The following TFF2 variants were observed in gnomAD, a reference collection of about 807,000 sequenced individuals.
TFF2 encodes trefoil factor 2.
A neutral mutation model predicts 16.0 loss-of-function variants in TFF2; 19 were observed. The ratio of observed to expected loss-of-function variants is 1.19; its 90% CI spans 0.83 to 1.74. The LOEUF (loss-of-function observed/expected upper bound fraction) is 1.74, where lower values mean the gene tolerates loss of function less well. Ranked by LOEUF, TFF2 falls within the 40% of genes most tolerant of loss-of-function variation. TFF2 has a pLI of 0.00. For synonymous variants in TFF2, 61 were observed against 65.4 expected (o/e 0.93, Z 0.32); for missense variants, 168 against 166.8 (o/e 1.01, Z -0.04).
At chr21:42,350,670 C>T (rs2052109714) in intron 1 of TFF2, among the ~76,000 whole-genome samples, 1 of 152,206 alleles carries the variant, frequency 6.6e-6, no homozygotes, top group African/African-American at 2.4e-5. Flanking sequence ...ACGGGGCCCG[C>T]TGACACCTGC....
chr21:42,347,884 G>T lies in TFF2; in HGVS notation c.230-252C>A, dbSNP rs2052081894. Among the ~76,000 whole-genome samples the T allele has an allele frequency of 2.0e-5, 3 of 152,218 alleles. No homozygotes were observed. The South Asian group carries it at 6.2e-4, about 32-fold the overall frequency. On this transcript the variant is annotated intron_variant, in intron 2 of 3. Transcript: ENST00000291526. ...TGGCTGGCCTGTCCTCCGCGAAGGTGGGGCCCATGTGGGGTGGTCACAGTC... is the reference window on the plus strand; with the variant it reads ...TGGCTGGCCTGTCCTCCGCGAAGGTTGGGCCCATGTGGGGTGGTCACAGTC...
Position 42,350,990 on chromosome 21 carries a change from A to G in TFF2, c.-33T>C. On this transcript the variant is annotated 5_prime_UTR_variant, in exon 1 of 4. Transcript: ENST00000291526. Reference sequence around the variant, plus strand: ...TCAGCTGCACCCCAGGGTGGCTTGCAGAATGCATGGTGTCCACTGCCGGGT... The same window carrying G: ...TCAGCTGCACCCCAGGGTGGCTTGCGGAATGCATGGTGTCCACTGCCGGGT... 1 of 1,602,848 alleles carries G rather than the reference A, an allele frequency of 6.2e-7. No homozygotes were observed. The highest frequency in any genetic ancestry group is 8.5e-7 in the Non-Finnish European group (1 of 1,173,154).
rs1470622303 is a variant in TFF2, at chr21:42,350,015, G to A, written c.95C>T (p.Ser32Phe). 8 of 1,599,532 alleles carry A rather than the reference G, an allele frequency of 5.0e-6. No homozygotes were observed. The change falls in exon 2 of 4, where the codon TCC becomes TTC. Residue 32 changes from serine to phenylalanine, a missense_variant. By Grantham distance (155) the Ser-to-Phe change is radical. Transcript: ENST00000291526. ...CGTCCTGTTATGGGGGCTCAGCCTG[G>A]AGCACTGGCAGGGGGCTGTGGAAAG... ...GSEKPSPCQC[S>F]RLSPHNRTNC...
At chr21:42,350,214 T>C in intron 1 of TFF2, 184 bp from the exon 2 acceptor site, 1 of 1,243,668 alleles carries the variant, frequency 8.0e-7, no homozygotes, top group Non-Finnish European at 1.0e-6. Flanking sequence ...GCTGAAATTG[T>C]TATATTAGTT....
chr21:42,348,126 C>T (rs1406832443), intron 2 of TFF2, among the ~76,000 whole-genome samples: 1 of 152,210 alleles, frequency 6.6e-6, no homozygotes, highest in Admixed American at 6.5e-5. Context: ...CCCTGCGGGG[C>T]CCAGCAAGCC....
At position 42,350,029 on chromosome 21, in the gene TFF2, G is replaced by T; in HGVS notation, c.81C>A (p.Ser27=). The T allele has an allele frequency of 6.3e-7, 1 of 1,596,978 alleles. No homozygotes were observed. Among genetic ancestry groups the T allele is most frequent in the South Asian group, 1.1e-5 (1 of 88,110 alleles). ...LCALAGSEKP[S]PCQCSRLSPH... is the part of the protein sequence containing the mutation. ...GGCTCAGCCTGGAGCACTGGCAGGG[G>T]GCTGTGGAAAGACCCTCAGTCGGCC... The change falls in exon 2 of 4, where the codon TCC becomes TCA. Residue 27 remains serine (S), a splice_region_variant and synonymous_variant. Coordinates refer to ENST00000291526, the MANE Select transcript of TFF2 (RefSeq NM_005423.5).
chr21:42,348,357 G>A (rs1284618267), intron 2 of TFF2, among the ~76,000 whole-genome samples: 1 of 152,100 alleles, frequency 6.6e-6, no homozygotes, highest in Non-Finnish European at 1.5e-5. Flanking sequence ...TTATGTTACT[G>A]CTGTCCTATT....
Position 42,346,373 on chromosome 21 carries a change from G to T in TFF2, c.*160C>A. ...AAAAAGAAATTTAGCAGATTTTAAG[G>T]GTTTTATTTAAAGAAATTATATGTT... is the stretch of plus-strand genomic sequence containing the variant. On this transcript the variant is annotated 3_prime_UTR_variant, in exon 4 of 4. Transcript: ENST00000291526. 1.0e-6 allele frequency: 1 copy of T among 959,678 alleles called. No homozygotes were observed. The highest frequency in any genetic ancestry group is 1.6e-6 in the Non-Finnish European group (1 of 631,776). 59.4% of individuals were successfully genotyped at this position (959,678 alleles called of 1,614,324 possible). A position where few individuals can be genotyped will look rare whatever the true frequency, so the allele number is the denominator to read the frequency against.
chr21:42,349,599 CTTAGACTAACTAG>C (rs2052099062), intron 2 of TFF2, among the ~76,000 whole-genome samples: 1 of 151,200 alleles, frequency 6.6e-6, no homozygotes, highest in Non-Finnish European at 1.5e-5. Context: ...CTGGGCTAGC[CTTAGACTAACTAG>C]CCTACACTAG....
At chr21:42,349,670 T>A (rs1190050330) in intron 2 of TFF2, among the ~76,000 whole-genome samples, 2 of 152,172 alleles carry the variant, frequency 1.3e-5, no homozygotes, top group African/African-American at 4.8e-5. Flanking sequence ...CAACCTGGGC[T>A]AGCCCCAGAC....
intron 2 of TFF2, 21 bp downstream of exon 2, chr21:42,349,860 G>C: frequency 6.3e-7 from 1 of 1,576,854 alleles, no homozygotes; most frequent in Non-Finnish European, 8.6e-7. Context: ...GCTGGCCCAG[G>C]AAGATTCCCT....
chr21:42,346,575 A>G, intron 3 of TFF2, 29 bp from the exon 4 acceptor site: 1 of 1,588,762 alleles, frequency 6.3e-7, no homozygotes, highest in Non-Finnish European at 8.5e-7. Flanking sequence ...GATGGTTGGT[A>G]AGGGAACCCC....
At position 42,346,484 on chromosome 21, in the gene TFF2, G is replaced by A. The variant is rs750305679; in HGVS notation, c.*49C>T. 2 of 1,611,982 alleles carry A rather than the reference G, an allele frequency of 1.2e-6. No homozygotes were observed. Among genetic ancestry groups the A allele is most frequent in the Non-Finnish European group, 1.7e-6 (2 of 1,178,716 alleles). ...CTGATAAGGCGAAGTTTCTTCTTTGGTTTCGGAACACCCGGTGAGCCAGAT... is the reference window on the plus strand; with the variant it reads ...CTGATAAGGCGAAGTTTCTTCTTTGATTTCGGAACACCCGGTGAGCCAGAT... On this transcript the variant is annotated 3_prime_UTR_variant, in exon 4 of 4. Coordinates refer to ENST00000291526, the MANE Select transcript of TFF2 (RefSeq NM_005423.5).
intron 3 of TFF2, 56 bp from the exon 4 acceptor site, chr21:42,346,602 A>G: frequency 6.4e-7 from 1 of 1,561,018 alleles, no homozygotes; most frequent in Non-Finnish European, 8.6e-7. Flanking sequence ...GGGAGTGCCT[A>G]GGCTGCGAAG....
chr21:42,349,513 G>A lies in TFF2; in HGVS notation c.229+368C>T, dbSNP rs928448780. ...ACGCTAGCCCTAGACTAACCAACCT[G>A]GGCTAGCTCCAGGCTAACCAACCTG... On this transcript the variant is annotated intron_variant, in intron 2 of 3. Coordinates refer to ENST00000291526, the MANE Select transcript of TFF2 (RefSeq NM_005423.5). 7.4e-5 allele frequency among the ~76,000 whole-genome samples: 11 copies of A among 149,308 alleles called. No individual in the cohort carries two copies. In the Middle Eastern group the frequency reaches 0.012, roughly 158 times the overall value.
chr21:42,348,314 C>G (rs2052085517), intron 2 of TFF2, among the ~76,000 whole-genome samples: 1 of 152,228 alleles, frequency 6.6e-6, no homozygotes, highest in Non-Finnish European at 1.5e-5. Context: ...GAAGGCTTCA[C>G]TTCCTTCCCT....
intron 2 of TFF2, among the ~76,000 whole-genome samples, chr21:42,347,856 G>A (rs925940141): frequency 1.5e-4 from 23 of 152,192 alleles, no homozygotes; most frequent in Admixed American, 3.9e-4. Context: ...CCCCAGCGAC[G>A]CTTGGCTGGC....
At chr21:42,349,223 A>C (rs1042309829) in intron 2 of TFF2, among the ~76,000 whole-genome samples, 7 of 151,294 alleles carry the variant, frequency 4.6e-5, no homozygotes, top group Non-Finnish European at 1.0e-4. Context: ...GCCCCAGACT[A>C]ACCAGCCTAT....
chr21:42,348,402 A>G (rs1568859262), intron 2 of TFF2, among the ~76,000 whole-genome samples: 1 of 152,194 alleles, frequency 6.6e-6, no homozygotes, highest in South Asian at 2.1e-4. Context: ...GCTTCTTCAG[A>G]AGTCACACTT....
Sources: allele counts gnomAD v4.1 joint callset (sites outside exome capture counted in the v4.1 genomes callset), GRCh38; gene constraint gnomAD v4.1.1; transcripts MANE v1.5; gene names NCBI Gene and HGNC (gene_info 2026-07-23, HGNC 2026-07-21).